FBXL17: variants seen among roughly 807,000 people sequenced by gnomAD.
The protein encoded by FBXL17 is F-box/LRR-repeat protein 17.
Under a neutral mutation model 66.2 loss-of-function variants are expected in FBXL17, and 22 were observed. That is an observed-to-expected ratio of 0.33 (90% confidence interval 0.24 to 0.47). FBXL17 has a LOEUF of 0.47. Ranked by LOEUF, FBXL17 falls within the 20% of genes least tolerant of loss-of-function variation. FBXL17 has a pLI of 1.00. For synonymous variants in FBXL17, 474 were observed against 400.5 expected (o/e 1.18, Z -2.19); for missense variants, 878 against 948.2 (o/e 0.93, Z 0.97).
chr5:108,274,629 T>G (rs1757411344), intron 4 of FBXL17, among the ~76,000 whole-genome samples: 1 of 152,142 alleles, frequency 6.6e-6, no homozygotes, highest in Non-Finnish European at 1.5e-5. Flanking sequence ...GCATAGGAAA[T>G]CACAAGGGTA....
intron 4 of FBXL17, among the ~76,000 whole-genome samples, chr5:108,295,610 GT>G (rs1758314102): frequency 6.6e-6 from 1 of 151,872 alleles, no homozygotes; most frequent in Non-Finnish European, 1.5e-5. Flanking sequence ...AAACAAATCA[GT>G]TACTGTTTTC....
At chr5:108,238,764 G>A (rs908873340) in intron 4 of FBXL17, among the ~76,000 whole-genome samples, 1 of 152,076 alleles carries the variant, frequency 6.6e-6, no homozygotes, top group African/African-American at 2.4e-5. Flanking sequence ...AGCTGCCTCA[G>A]CCTCCCAAAG....
chr5:108,206,087 T>A (rs1369531723), intron 5 of FBXL17, among the ~76,000 whole-genome samples: 3 of 152,164 alleles, frequency 2.0e-5, no homozygotes, highest in African/African-American at 7.2e-5. Context: ...TCAATCCACA[T>A]ATAATCGCTT....
intron 4 of FBXL17, among the ~76,000 whole-genome samples, chr5:108,236,459 G>A (rs1196677363): frequency 6.6e-6 from 1 of 151,842 alleles, no homozygotes. Context: ...GTTGCAGTGA[G>A]CAGAGATCAC....
intron 4 of FBXL17, among the ~76,000 whole-genome samples, chr5:108,332,618 G>T (rs986730702): frequency 6.6e-6 from 1 of 151,894 alleles, no homozygotes; most frequent in African/African-American, 2.4e-5. Context: ...TTGTTGTTGG[G>T]TTTTTCTGAG....
At chr5:108,048,254 C>T (rs1470688992) in intron 6 of FBXL17, among the ~76,000 whole-genome samples, 2 of 152,158 alleles carry the variant, frequency 1.3e-5, no homozygotes, top group South Asian at 2.1e-4. Flanking sequence ...AAAGCAACAA[C>T]AACAGCATCA....
At chr5:108,272,390 G>A (rs1433380148) in intron 4 of FBXL17, among the ~76,000 whole-genome samples, 1 of 148,940 alleles carries the variant, frequency 6.7e-6, no homozygotes, top group Non-Finnish European at 1.5e-5. Flanking sequence ...GTCTCACTCT[G>A]TTGCCCAGGC....
At chr5:108,289,637 G>C (rs1308460811) in intron 4 of FBXL17, among the ~76,000 whole-genome samples, 3 of 152,136 alleles carry the variant, frequency 2.0e-5, no homozygotes, top group African/African-American at 4.8e-5. Flanking sequence ...AAGCAGAGAG[G>C]AAACAGGCAA....
intron 6 of FBXL17, among the ~76,000 whole-genome samples, chr5:108,137,943 A>C (rs17161060): frequency 0.014 from 2,089 of 152,314 alleles, 56 homozygotes; most frequent in African/African-American, 0.047. Flanking sequence ...AAGAGCTATT[A>C]AAACTATTTG....
intron 4 of FBXL17, among the ~76,000 whole-genome samples, chr5:108,262,877 T>C (rs1756895665): frequency 6.6e-6 from 1 of 152,224 alleles, no homozygotes; most frequent in African/African-American, 2.4e-5. Context: ...TAACCATTAC[T>C]ACCTATTTAT....
At chr5:108,161,430 G>A (rs915647504) in intron 6 of FBXL17, among the ~76,000 whole-genome samples, 2 of 152,138 alleles carry the variant, frequency 1.3e-5, no homozygotes, top group East Asian at 1.9e-4. Context: ...AGGTTGCAGC[G>A]AGCTGAGATC....
At chr5:108,355,272 A>ATTTAT in intron 3 of FBXL17, among the ~76,000 whole-genome samples, 1 of 132,852 alleles carries the variant, frequency 7.5e-6, no homozygotes, top group African/African-American at 3.9e-5. Context: ...TTATTTATTT[A>ATTTAT]TTTATTTATT....
At chr5:108,349,351 G>T (rs190429580) in intron 3 of FBXL17, among the ~76,000 whole-genome samples, 2 of 152,150 alleles carry the variant, frequency 1.3e-5, no homozygotes, top group Admixed American at 1.3e-4. Flanking sequence ...GGTTAATTCT[G>T]ATTAGCGCAT....
At chr5:108,054,001 T>C (rs1253306029) in intron 6 of FBXL17, among the ~76,000 whole-genome samples, 1 of 152,092 alleles carries the variant, frequency 6.6e-6, no homozygotes, top group Non-Finnish European at 1.5e-5. Flanking sequence ...CTCAGCAAAC[T>C]AATGCAGGAA....
In FBXL17 at chr5:108,051,400, T is replaced by C. The variant is rs544768328; in HGVS notation, c.1746-30399A>G. Among the ~76,000 whole-genome samples the C allele has an allele frequency of 1.8e-4, 27 of 152,272 alleles. 1 individual carries two copies. Among genetic ancestry groups the C allele is most frequent in the Middle Eastern group, 3.4e-3 (1 of 294 alleles). On this transcript the variant is annotated intron_variant, in intron 6 of 8. Coordinates refer to ENST00000542267, the MANE Select transcript of FBXL17 (RefSeq NM_001163315.3). ...CAAAACTTATCCACCACGGTCAAGG[T>C]GGCTTCATCCCTGGGATGCAAGGCT...
At chr5:108,201,862 A>AG (rs1753910050) in intron 5 of FBXL17, among the ~76,000 whole-genome samples, 1 of 151,510 alleles carries the variant, frequency 6.6e-6, no homozygotes, top group South Asian at 2.1e-4. Context: ...GTAAAAAAAA[A>AG]AAAAAAAAAA....
chr5:108,037,895 G>A (rs1746904745), intron 6 of FBXL17, among the ~76,000 whole-genome samples: 1 of 152,070 alleles, frequency 6.6e-6, no homozygotes, highest in Non-Finnish European at 1.5e-5. Flanking sequence ...CACCATCTAT[G>A]TAGTATCTTG....
intron 7 of FBXL17, among the ~76,000 whole-genome samples, chr5:107,910,675 T>C (rs990360255): frequency 3.3e-5 from 5 of 152,120 alleles, no homozygotes; most frequent in African/African-American, 1.2e-4. Context: ...CAAGCTGATA[T>C]ACCATTAAAA....
At chr5:108,168,300 G>A (rs1300267348) in intron 6 of FBXL17, among the ~76,000 whole-genome samples, 1 of 152,126 alleles carries the variant, frequency 6.6e-6, no homozygotes, top group Non-Finnish European at 1.5e-5. Context: ...AAAAGAGAGG[G>A]GAAGGGGAAG....
Sources: allele counts gnomAD v4.1 joint callset (sites outside exome capture counted in the v4.1 genomes callset), GRCh38; gene constraint gnomAD v4.1.1; transcripts MANE v1.5; gene names NCBI Gene and HGNC (gene_info 2026-07-23, HGNC 2026-07-21).